The following MUC17 variants were observed in gnomAD, a reference collection of about 807,000 sequenced individuals.
MUC17 encodes the protein mucin 17, cell surface associated.
MUC17 carries 190 observed loss-of-function variants against 170.3 expected under a neutral mutation model. That is an observed-to-expected ratio of 1.12 (90% CI 0.99 to 1.26). The LOEUF is 1.26. Among genes scored for constraint, MUC17 ranks in the 50% most tolerant of loss-of-function variants. MUC17 has a pLI of 0.00. For missense variants in MUC17, 6,415 were observed against 5,530.0 expected, an observed-to-expected ratio of 1.16 and a Z score of -5.08; for synonymous variants, 2,325 against 2,002.5, an observed-to-expected ratio of 1.16 and a Z score of -4.30.
Position 101,033,016 on chromosome 7 carries a change from A to G in MUC17, c.1600A>G (p.Thr534Ala), listed in dbSNP as rs1454757026. Residue 534 changes from threonine to alanine, a missense_variant, in exon 3 of 13, where the codon ACT (threonine) becomes GCT (alanine). By Grantham distance (58) the Thr-to-Ala change is moderately conservative. Coordinates refer to ENST00000306151, the MANE Select transcript of MUC17 (RefSeq NM_001040105.2). ...TTCTGAGGCTAGCACCCTTTCAACA[A>G]CTCCTGTTGACACCAGCACACCTGT... The part of the protein sequence containing the change: ...ASSEASTLST[T>A]PVDTSTPVTT... The G allele has an allele frequency of 6.2e-7, 1 of 1,613,324 alleles. No homozygotes were observed. The highest frequency in any genetic ancestry group is 2.2e-5 in the East Asian group (1 of 44,850).
chr7:101,020,359 C>T (rs909124706), intron 1 of MUC17, 142 bp downstream of exon 1: 2 of 544,656 alleles, frequency 3.7e-6, no homozygotes, highest in Admixed American at 4.0e-5. Context: ...CCTGTGCCTA[C>T]CCCCTGGACT....
intron 1 of MUC17, among the ~76,000 whole-genome samples, chr7:101,030,494 A>T (rs1488279904): frequency 1.3e-5 from 2 of 152,172 alleles, no homozygotes; most frequent in African/African-American, 2.4e-5. Flanking sequence ...AAGTGCTGGG[A>T]TTACAGGCAT....
rs371969946 is a variant in MUC17, at chr7:101,032,962, A to G, written c.1546A>G (p.Met516Val). 5.6e-5 allele frequency: 91 copies of G among 1,614,104 alleles called. 2 individuals carry two copies. In the South Asian group the frequency reaches 8.3e-4, roughly 15 times the overall value. The change falls in exon 3 of 13, where the codon ATG (methionine) becomes GTG (valine). Residue 516 changes from methionine to valine, a missense_variant. Coordinates refer to ENST00000306151, the MANE Select transcript of MUC17 (RefSeq NM_001040105.2). The part of the protein sequence containing the change: ...PSEGSTPLTS[M>V]SVSTMPVASS... ...TGAAGGAAGCACTCCATTAACAAGT[A>G]TGTCTGTCAGCACCATGCCGGTGGC...
At position 101,034,262 on chromosome 7, in the gene MUC17, T is replaced by A; in HGVS notation, c.2846T>A (p.Val949Asp). The A allele has an allele frequency of 6.2e-7, 1 of 1,608,542 alleles. No individual in the cohort carries two copies. The highest frequency in any genetic ancestry group is 1.1e-5 in the South Asian group (1 of 90,098). The change falls in exon 3 of 13, where the codon GTT becomes GAT. Residue 949 changes from valine (V) to aspartate (D), a missense_variant. Physicochemically the swap from Val to Asp is radical, Grantham distance 152. Transcript: ENST00000306151. Reference protein sequence around the residue: ...SEARTLSATPVDTSTPVTTST... With the variant: ...SEARTLSATPDDTSTPVTTST... The stretch of plus-strand genomic sequence containing the variant: ...GCTAGAACACTTTCAGCAACTCCTG[T>A]TGACACCAGCACACCTGTGACCACT...
Position 101,041,787 on chromosome 7 carries a change from C to G in MUC17, c.10371C>G (p.Ser3457Arg). ...CAACCTCAACTACTAGTGAAGGAAG[C>G]ACTCCATTATCAATTATGCCTCTCA... ...SLPTSTTSEG[S>R]TPLSIMPLST... Residue 3457 changes from serine (S) to arginine (R), a missense_variant, in exon 3 of 13, where the codon AGC becomes AGG. Coordinates refer to ENST00000306151, the MANE Select transcript of MUC17 (RefSeq NM_001040105.2). The G allele has an allele frequency of 6.2e-7, 1 of 1,613,944 alleles. No homozygotes were observed. Among genetic ancestry groups the G allele is most frequent in the Non-Finnish European group, 8.5e-7 (1 of 1,179,986 alleles).
In MUC17 at chr7:101,040,934, C is replaced by G. The variant is rs1015162035; in HGVS notation, c.9518C>G (p.Thr3173Ser). The change falls in exon 3 of 13, where the codon ACC (threonine) becomes AGC (serine). Residue 3173 changes from threonine to serine, a missense_variant. Thr to Ser is a moderately conservative substitution (Grantham distance 58). Transcript: ENST00000306151. Reference sequence around the variant, plus strand: ...CCATTAACATATATGCCTGTCAGCACCATGCTGGTAGTCAGTTCTGAGGAT... The same window carrying G: ...CCATTAACATATATGCCTGTCAGCAGCATGCTGGTAGTCAGTTCTGAGGAT... ...STPLTYMPVS[T>S]MLVVSSEDST... 45 of 1,613,406 alleles carry G rather than the reference C, an allele frequency of 2.8e-5. No individual in the cohort carries two copies. Among genetic ancestry groups the G allele is most frequent in the Non-Finnish European group, 3.6e-5 (43 of 1,179,856 alleles).
Position 101,035,520 on chromosome 7 carries a change from G to C in MUC17, c.4104G>C (p.Val1368=), listed in dbSNP as rs71273405. 6.3e-7 allele frequency: 1 copy of C among 1,596,592 alleles called. No homozygotes were observed. ...STTPVDNSTP[V]TTSTEACSSP... ...CTCCTGTTGACAACAGCACACCTGT[G>C]ACCACTTCTACTGAAGCCTGTTCAT... The change falls in exon 3 of 13, where the codon GTG becomes GTC. Residue 1368 remains valine, a synonymous_variant. Coordinates refer to ENST00000306151, the MANE Select transcript of MUC17 (RefSeq NM_001040105.2).
intron 1 of MUC17, among the ~76,000 whole-genome samples, chr7:101,030,242 T>TC: frequency 6.6e-6 from 1 of 151,876 alleles, no homozygotes. Context: ...TTTTTTTTTT[T>TC]TTTTGAGTCT....
chr7:101,042,188 C>T lies in MUC17; in HGVS notation c.10772C>T (p.Ser3591Phe). The T allele has an allele frequency of 6.2e-7, 1 of 1,614,254 alleles. No individual in the cohort carries two copies. The highest frequency in any genetic ancestry group is 8.5e-7 in the Non-Finnish European group (1 of 1,180,040). ...CTCAGCAGCACATATGTGACCAGTT[C>T]TGAGGCTAGCACACCTTCCACTCCT... ...MLLSSTYVTS[S>F]EASTPSTPSV... The change falls in exon 3 of 13, where the codon TCT becomes TTT. Residue 3591 changes from serine (S) to phenylalanine (F), a missense_variant. Physicochemically the swap from Ser to Phe is radical, Grantham distance 155. Coordinates refer to ENST00000306151, the MANE Select transcript of MUC17 (RefSeq NM_001040105.2).
chr7:101,042,024 C>T lies in MUC17; in HGVS notation c.10608C>T (p.Thr3536=), dbSNP rs751988268. Residue 3536 remains threonine, a synonymous_variant, in exon 3 of 13, where the codon ACC becomes ACT. Coordinates refer to ENST00000306151, the MANE Select transcript of MUC17 (RefSeq NM_001040105.2). ...CGGTGGCCAGTTCTGAGGCTAGCAC[C>T]CTTTCAACAACTCCTGTTGACTCCA... The part of the protein sequence containing the change: ...TTPVASSEAS[T]LSTTPVDSNT... 2.5e-6 allele frequency: 4 copies of T among 1,608,418 alleles called. No individual in the cohort carries two copies. Among genetic ancestry groups the T allele is most frequent in the Non-Finnish European group, 3.4e-6 (4 of 1,178,174 alleles).
intron 1 of MUC17, among the ~76,000 whole-genome samples, chr7:101,028,555 T>G (rs1203434914): frequency 6.6e-6 from 1 of 152,102 alleles, no homozygotes; most frequent in African/African-American, 2.4e-5. Context: ...ATGTTTCTAT[T>G]GGATTATTGC....
rs769243911 is a variant in MUC17, at chr7:101,048,946, GA to G, written c.12638del (p.Glu4213GlyfsTer10). On this transcript the variant is annotated frameshift_variant, in exon 5 of 13. Transcript: ENST00000306151. LOFTEE classifies it high-confidence loss of function. ...LKNHSSQEFQ[E>X]FKQTFTEQMN... ...AAACCACTCTTCCCAGGAATTCCAG[GA>G]GTTCAAACAGACATTCACGGAACAG... 1.2e-6 allele frequency: 2 copies of G among 1,614,062 alleles called. No individual in the cohort carries two copies. The highest frequency in any genetic ancestry group is 1.7e-6 in the Non-Finnish European group (2 of 1,180,036).
At position 101,033,617 on chromosome 7, in the gene MUC17, G is replaced by A. The variant is rs764876002; in HGVS notation, c.2201G>A (p.Gly734Asp). 3 of 1,613,256 alleles carry A rather than the reference G, an allele frequency of 1.9e-6. No homozygotes were observed. Among genetic ancestry groups the A allele is most frequent in the Non-Finnish European group, 1.7e-6 (2 of 1,179,868 alleles). ...EASSSPTTAD[G>D]ASMPTSTPSE... ...AGTTCCTCTCCTACAACTGCTGATG[G>A]TGCCAGTATGCCAACCTCAACTCCT... Residue 734 changes from glycine (G) to aspartate (D), a missense_variant, in exon 3 of 13, where the codon GGT (glycine) becomes GAT (aspartate). Physicochemically the swap from Gly to Asp is moderately conservative, Grantham distance 94 (BLOSUM62 -1). Transcript: ENST00000306151.
rs759475798 is a variant in MUC17, at chr7:101,042,391, C to G, written c.10975C>G (p.Pro3659Ala). 3 of 1,613,918 alleles carry G rather than the reference C, an allele frequency of 1.9e-6. No homozygotes were observed. In the Admixed American group the frequency reaches 5.0e-5, roughly 27 times the overall value. The change falls in exon 3 of 13, where the codon CCT (proline) becomes GCT (alanine). Residue 3659 changes from proline (P) to alanine (A), a missense_variant. By Grantham distance (27) the Pro-to-Ala change is conservative. Transcript: ENST00000306151. ...ISEAGTASTL[P>A]VDTSTPVITS... ...TGAGGCTGGCACAGCTTCAACACTT[C>G]CTGTTGACACCAGCACACCTGTGAT...
Position 101,057,968 on chromosome 7 carries a change from G to A in MUC17, c.13441-35G>A, listed in dbSNP as rs1351327380. 6 of 1,606,722 alleles carry A rather than the reference G, an allele frequency of 3.7e-6. No homozygotes were observed. The African/African-American group carries it at 8.0e-5, about 22-fold the overall frequency. ...TTCCAGAATCCCAAATTCCTCATGG[G>A]CTGAGCCCTCACTTGGTTTTATCTC... is the stretch of plus-strand genomic sequence containing the variant. On this transcript the variant is annotated intron_variant, in intron 12 of 12. Coordinates refer to ENST00000306151, the MANE Select transcript of MUC17 (RefSeq NM_001040105.2).
In MUC17 at chr7:101,031,102, C is replaced by T. The variant is rs779796548; in HGVS notation, c.83-18C>T. ...AGATCATGGCTCTGGGATACTAACT[C>T]CCCTTTGTCTCTTTCAGACCTCAGT... On this transcript the variant is annotated intron_variant, in intron 1 of 12. Coordinates refer to ENST00000306151, the MANE Select transcript of MUC17 (RefSeq NM_001040105.2). 2 of 1,599,484 alleles carry T rather than the reference C, an allele frequency of 1.3e-6. No homozygotes were observed. Among genetic ancestry groups the T allele is most frequent in the Admixed American group, 3.4e-5 (2 of 58,318 alleles).
chr7:101,043,393 A>G lies in MUC17; in HGVS notation c.11977A>G (p.Thr3993Ala). 1.9e-6 allele frequency: 3 copies of G among 1,614,174 alleles called. No individual in the cohort carries two copies. Among genetic ancestry groups the G allele is most frequent in the Non-Finnish European group, 1.7e-6 (2 of 1,180,046 alleles). Residue 3993 changes from threonine (T) to alanine (A), a missense_variant, in exon 3 of 13, where the codon ACA (threonine) becomes GCA (alanine). Coordinates refer to ENST00000306151, the MANE Select transcript of MUC17 (RefSeq NM_001040105.2). ...TSFSTTKEFT[T>A]PAMTTAAPLT... is the part of the protein sequence containing the mutation. ...TTTTTCAACTACTAAGGAATTTACA[A>G]CACCCGCAATGACTACTGCAGCTCC... is the stretch of plus-strand genomic sequence containing the variant.
intron 3 of MUC17, among the ~76,000 whole-genome samples, chr7:101,047,366 T>G (rs1253917030): frequency 6.6e-6 from 1 of 152,028 alleles, no homozygotes; most frequent in Non-Finnish European, 1.5e-5. Flanking sequence ...TTTCTTCACG[T>G]TTTTGGGGTA....
rs1795081018 is a variant in MUC17 at position 101,058,127 on chromosome 7, A to G, written c.*83A>G. Reference sequence around the variant, plus strand: ...AGCATTTTCCCATTGAGAGCCTTCCATGGGAACTCAATGTTCCCATTGTAA... The same window carrying G: ...AGCATTTTCCCATTGAGAGCCTTCCGTGGGAACTCAATGTTCCCATTGTAA... On this transcript the variant is annotated 3_prime_UTR_variant, in exon 13 of 13. Transcript: ENST00000306151. 3 of 1,250,672 alleles carry G rather than the reference A, an allele frequency of 2.4e-6. No homozygotes were observed. The highest frequency in any genetic ancestry group is 1.5e-5 in the African/African-American group (1 of 67,396). The allele number at this position is 1,250,672 out of a possible 1,614,324, so 77.5% of individuals were successfully genotyped here. A position where few individuals can be genotyped will look rare whatever the true frequency, so the allele number is the denominator to read the frequency against.
Sources: allele counts gnomAD v4.1 joint callset (sites outside exome capture counted in the v4.1 genomes callset), GRCh38; gene constraint gnomAD v4.1.1; transcripts MANE v1.5; gene names NCBI Gene and HGNC (gene_info 2026-07-23, HGNC 2026-07-21).